PARVB: variants seen among roughly 807,000 people sequenced by gnomAD.
PARVB encodes the protein beta-parvin.
PARVB carries 46 observed loss-of-function variants against 47.0 expected under a neutral mutation model. The observed-to-expected ratio is 0.98, with a 90% confidence interval of 0.77 to 1.25. The LOEUF is 1.25. PARVB is among the 50% of genes most tolerant of loss of function. The probability of loss-of-function intolerance (pLI) is 0.00; values close to 1 mark genes in which losing one functional copy is unlikely to be tolerated. For synonymous variants in PARVB, 196 were observed against 196.3 expected (o/e 1.00, Z 0.01); for missense variants, 473 against 471.6 (o/e 1.00, Z -0.03).
At chr22:44,121,131 G>C (rs1289318876) in intron 4 of PARVB, among the ~76,000 whole-genome samples, 9 of 152,122 alleles carry the variant, frequency 5.9e-5, no homozygotes, top group Admixed American at 5.9e-4. Context: ...GTGAGCCACT[G>C]TGCCTGACTG....
At position 44,117,588 on chromosome 22, in the gene PARVB, C is replaced by A. The variant is rs960483289; in HGVS notation, c.274-1450C>A. 3.3e-5 allele frequency among the ~76,000 whole-genome samples: 5 copies of A among 152,218 alleles called. No individual in the cohort carries two copies. The South Asian group carries it at 8.3e-4, about 25-fold the overall frequency. ...CCACAGGGCCATGCACCTCTCCCTG[C>A]AAACTGCCCTTTAATTTATTTTTAC... On this transcript the variant is annotated intron_variant, in intron 3 of 12. Coordinates refer to ENST00000338758, the MANE Select transcript of PARVB (RefSeq NM_013327.5).
rs148640466 is a variant in PARVB at position 44,010,737 on chromosome 22, TGATTTTGTATGG to T, written c.211+11065_211+11076del. On this transcript the variant is annotated intron_variant, in intron 2 of 13. Coordinates refer to the PARVB transcript ENST00000406477. Reference sequence around the variant, plus strand: ...TCTGCTCCCGAATCTGCATAGTATCTGATTTTGTATGGCCTGCGAGTGAAGGATGAGTTTACG... The same window carrying T: ...TCTGCTCCCGAATCTGCATAGTATCTCCTGCGAGTGAAGGATGAGTTTACG... Among the ~76,000 whole-genome samples, 936 of 152,268 alleles carry T rather than the reference TGATTTTGTATGG, an allele frequency of 6.1e-3. 12 individuals are homozygous for T. Among genetic ancestry groups the T allele is most frequent in the African/African-American group, 0.022 (901 of 41,526 alleles).
In PARVB at chr22:44,168,627, C is replaced by T. The variant is rs34391934; in HGVS notation, c.1044C>T (p.Ser348=). ...PEDVVNLDLK[S]TLRVLYNLFT... ...ACGTGGTTAACTTGGACCTCAAATC[C>T]ACCCTGAGGGTTCTTTACAACCTGT... The change falls in exon 13 of 13, where the codon TCC becomes TCT. Residue 348 remains serine (S), a synonymous_variant. Transcript: ENST00000338758. The T allele has an allele frequency of 2.0e-3, 3,173 of 1,613,148 alleles. 60 individuals carry two copies. In the African/African-American group the frequency reaches 0.035, roughly 18 times the overall value.
intron 1 of PARVB, among the ~76,000 whole-genome samples, chr22:44,025,354 C>T (rs147206775): frequency 2.0e-5 from 3 of 152,116 alleles, no homozygotes; most frequent in African/African-American, 7.2e-5. Flanking sequence ...CCCCGGGATG[C>T]AGGTCCCCCA....
chr22:44,158,356 G>A (rs144160057), intron 11 of PARVB, among the ~76,000 whole-genome samples: 1 of 152,262 alleles, frequency 6.6e-6, no homozygotes, highest in Non-Finnish European at 1.5e-5. Context: ...TCACATCTCG[G>A]TAGAGTTGTA....
At chr22:44,115,951 CACAG>C (rs2052888297) in intron 3 of PARVB, 1 of 152,124 alleles carries the variant, frequency 6.6e-6, no homozygotes, top group African/African-American at 2.4e-5. Context: ...CCTGCACCAA[CACAG>C]ATACATTGTT....
In PARVB at chr22:44,114,516, C is replaced by A. The variant is rs1487050073; in HGVS notation, c.274-4522C>A. On this transcript the variant is annotated intron_variant, in intron 3 of 12. Coordinates refer to ENST00000338758, the MANE Select transcript of PARVB (RefSeq NM_013327.5). ...GCACAGATATATTGTTACTAAGGCC[C>A]TGTACCAACACAGATACATTGTTAC... 5 of 68,384 alleles carry A rather than the reference C, an allele frequency of 7.3e-5. 2 individuals are homozygous for A. Among genetic ancestry groups the A allele is most frequent in the African/African-American group, 3.5e-4 (5 of 14,256 alleles). The allele number at this position is 68,384 out of a possible 1,614,324, so 4.2% of individuals were successfully genotyped here.
At chr22:44,112,425 A>T (rs2052722153) in intron 3 of PARVB, 1 of 152,580 alleles carries the variant, frequency 6.6e-6, no homozygotes, top group Non-Finnish European at 1.5e-5. Flanking sequence ...TGTCACTATC[A>T]GTCCCCTGTG....
chr22:44,127,052 C>T lies in PARVB; in HGVS notation c.377-4435C>T, dbSNP rs112653868. 3.5e-3 allele frequency among the ~76,000 whole-genome samples: 538 copies of T among 152,306 alleles called. 6 individuals are homozygous for T. Among genetic ancestry groups the T allele is most frequent in the African/African-American group, 0.011 (473 of 41,560 alleles). ...GTGCTAGCAAATGCAGCACTTACTC[C>T]GGAGTTGCTGTGATTGTCCATGAGT... On this transcript the variant is annotated intron_variant, in intron 4 of 12. Transcript: ENST00000338758.
At chr22:44,154,625 CTG>C (rs2053882561) in intron 10 of PARVB, among the ~76,000 whole-genome samples, 2 of 132,620 alleles carry the variant, frequency 1.5e-5, no homozygotes, top group African/African-American at 5.9e-5. Flanking sequence ...TTTATGTAGT[CTG>C]TGTGGTGTGT....
chr22:44,154,389 G>C (rs1220338166), intron 10 of PARVB, among the ~76,000 whole-genome samples: 2 of 152,170 alleles, frequency 1.3e-5, no homozygotes, highest in African/African-American at 2.4e-5. Flanking sequence ...TTAACGTCTT[G>C]ATGCCCTAGG....
upstream of PARVB, among the ~76,000 whole-genome samples, chr22:44,023,547 TAAAATAAAATAAAATAAAA>T (rs1175198953): frequency 1.9e-4 from 19 of 99,534 alleles, no homozygotes; most frequent in East Asian, 5.0e-4. Context: ...CAAAATAAAA[TAAAATAAAATAAAATAAAA>T]TAAAATAAAA....
At chr22:44,163,312 T>A (rs934817523) in intron 11 of PARVB, among the ~76,000 whole-genome samples, 2 of 151,796 alleles carry the variant, frequency 1.3e-5, no homozygotes, top group South Asian at 2.1e-4. Context: ...CTAAAAAAAA[T>A]AATAATAATA....
chr22:44,066,621 A>T (rs572546508), intron 1 of PARVB, among the ~76,000 whole-genome samples: 5 of 152,132 alleles, frequency 3.3e-5, no homozygotes, highest in Non-Finnish European at 7.3e-5. Flanking sequence ...TGAGATCCTG[A>T]TACGCACCCT....
intron 7 of PARVB, 89 bp downstream of exon 7, chr22:44,136,607 C>T (rs2053448176): frequency 9.4e-7 from 1 of 1,062,018 alleles, no homozygotes; most frequent in Non-Finnish European, 1.5e-6. Context: ...GACACCAGCG[C>T]CCATGGGGCT....
chr22:44,128,082 C>T (rs570807536), intron 4 of PARVB, among the ~76,000 whole-genome samples: 4 of 152,270 alleles, frequency 2.6e-5, no homozygotes, highest in African/African-American at 9.6e-5. Context: ...TACACCCAGC[C>T]GAATCCCTCT....
intron 1 of PARVB, among the ~76,000 whole-genome samples, chr22:44,046,012 T>C (rs763667822): frequency 6.6e-6 from 1 of 152,238 alleles, no homozygotes; most frequent in African/African-American, 2.4e-5. Context: ...TTGGGTAGTA[T>C]CTTTAACAAC....
intron 1 of PARVB, among the ~76,000 whole-genome samples, chr22:44,060,315 A>T (rs533652911): frequency 6.6e-6 from 1 of 151,956 alleles, no homozygotes; most frequent in Non-Finnish European, 1.5e-5. Context: ...GACTCTTTCT[A>T]AAAAAAAGAA....
chr22:44,134,173 C>T (rs541157169), intron 6 of PARVB, among the ~76,000 whole-genome samples: 1 of 152,178 alleles, frequency 6.6e-6, no homozygotes, highest in Admixed American at 6.5e-5. Context: ...CCCTCTGTTA[C>T]CCTGGGAGCT....
Sources: gnomAD v4.1 joint callset for allele counts (sites outside exome capture counted in the v4.1 genomes callset) on GRCh38, gnomAD v4.1.1 for gene constraint, MANE v1.5 for transcripts, NCBI Gene and HGNC (gene_info 2026-07-23, HGNC 2026-07-21) for gene names.